Variants in SYNPO observed in about 807,000 individuals in gnomAD.
SYNPO encodes the protein synaptopodin.
A neutral mutation model predicts 49.5 loss-of-function variants in SYNPO; 19 were observed. That is an observed-to-expected ratio of 0.38 (90% confidence interval 0.27 to 0.56). The LOEUF (loss-of-function observed/expected upper bound fraction) is 0.56. Ranked by LOEUF, SYNPO falls within the 20% of genes least tolerant of loss-of-function variation. The pLI is 0.68. For synonymous variants in SYNPO, 536 were observed against 548.0 expected, an observed-to-expected ratio of 0.98 and a Z score of 0.31; for missense variants, 1,131 against 1,248.3, an observed-to-expected ratio of 0.91 and a Z score of 1.42.
intron 2 of SYNPO, among the ~76,000 whole-genome samples, chr5:150,625,567 C>A (rs970231519): frequency 6.6e-6 from 1 of 152,196 alleles, no homozygotes; most frequent in African/African-American, 2.4e-5. Flanking sequence ...CCTGCGCTGC[C>A]CGCCTCACAA....
the SYNPO span, among the ~76,000 whole-genome samples, chr5:150,595,080 C>T: frequency 6.6e-6 from 1 of 152,002 alleles, no homozygotes; most frequent in African/African-American, 2.4e-5. Flanking sequence ...ATTGGAAGAC[C>T]CCGTGCTGTT....
At chr5:150,598,963 C>T (rs1456535996), upstream of SYNPO, among the ~76,000 whole-genome samples, 7 of 152,102 alleles carry the variant, frequency 4.6e-5, no homozygotes, top group South Asian at 2.1e-4. Context: ...CTCATATGGC[C>T]GGGGGACCTG....
At chr5:150,608,992 T>G (rs1756769190) in intron 1 of SYNPO, among the ~76,000 whole-genome samples, 1 of 152,062 alleles carries the variant, frequency 6.6e-6, no homozygotes, top group African/African-American at 2.4e-5. Context: ...AGTCAGGAAA[T>G]GGGTATGATA....
intron 1 of SYNPO, among the ~76,000 whole-genome samples, chr5:150,609,907 G>A (rs1348665478): frequency 6.6e-6 from 1 of 152,124 alleles, no homozygotes; most frequent in African/African-American, 2.4e-5. Flanking sequence ...TTTCTGGTGT[G>A]GCCAAGGGAG....
chr5:150,620,693 T>A (rs963603676), intron 2 of SYNPO, among the ~76,000 whole-genome samples: 1 of 152,140 alleles, frequency 6.6e-6, no homozygotes, highest in African/African-American at 2.4e-5. Context: ...ACCAAGCCAG[T>A]TCATTTGATA....
intron 1 of SYNPO, among the ~76,000 whole-genome samples, chr5:150,603,003 T>A (rs920957467): frequency 6.8e-6 from 1 of 146,154 alleles, no homozygotes; most frequent in African/African-American, 2.6e-5. Flanking sequence ...TTAGGGTGTG[T>A]GTGTGTGTGT....
chr5:150,632,944 G>A (rs545728522), intron 2 of SYNPO, among the ~76,000 whole-genome samples: 2 of 152,262 alleles, frequency 1.3e-5, no homozygotes, highest in African/African-American at 4.8e-5. Context: ...CAATTTCCCA[G>A]GACCTAGAAA....
upstream of SYNPO, among the ~76,000 whole-genome samples, chr5:150,600,097 AACCTCAG>A (rs1231855573): frequency 1.3e-5 from 2 of 152,190 alleles, no homozygotes; most frequent in African/African-American, 2.4e-5. Context: ...ACTTTGGCCA[AACCTCAG>A]ACCTCTCTGG....
At chr5:150,609,175 A>T (rs1756774988) in intron 1 of SYNPO, among the ~76,000 whole-genome samples, 1 of 152,258 alleles carries the variant, frequency 6.6e-6, no homozygotes, top group Non-Finnish European at 1.5e-5. Context: ...AGAGCTGGGA[A>T]AGGGTGCATT....
At position 150,648,037 on chromosome 5, in the gene SYNPO, G is replaced by C; in HGVS notation, c.-239G>C. Reference sequence around the variant, plus strand: ...GCAGCCCAGCTGACCACCCCTCCCAGCTCCAATTCCCGTGGCGTCCAGCTC... The same window carrying C: ...GCAGCCCAGCTGACCACCCCTCCCACCTCCAATTCCCGTGGCGTCCAGCTC... On this transcript the variant is annotated 5_prime_UTR_variant, in exon 2 of 3. Transcript: ENST00000307662. This position sits in a 1 kb window ranked among gnomAD's most constrained non-coding sequence, Gnocchi z 5.0. 6.4e-7 allele frequency: 1 copy of C among 1,551,840 alleles called. No individual in the cohort carries two copies. Among genetic ancestry groups the C allele is most frequent in the Non-Finnish European group, 8.7e-7 (1 of 1,147,014 alleles).
chr5:150,608,325 G>A (rs1024837679), intron 1 of SYNPO: 2 of 152,188 alleles, frequency 1.3e-5, no homozygotes, highest in African/African-American at 4.8e-5. Context: ...GACTTTCTAG[G>A]AGAGGAAGAG....
chr5:150,588,184 G>T, the SYNPO span, among the ~76,000 whole-genome samples: 1 of 152,190 alleles, frequency 6.6e-6, no homozygotes, highest in African/African-American at 2.4e-5. Flanking sequence ...GGAGCTTCTG[G>T]GACCTCCCAT....
chr5:150,647,858 C>T (rs1487194738), intron 1 of SYNPO, 86 bp from the exon 2 acceptor site: 24 of 1,256,998 alleles, frequency 1.9e-5, no homozygotes, highest in East Asian at 5.1e-5. Flanking sequence ...AGGGCCGAGG[C>T]GACCATCTCT....
chr5:150,586,737 T>G, the SYNPO span, among the ~76,000 whole-genome samples: 1 of 152,252 alleles, frequency 6.6e-6, no homozygotes, highest in Non-Finnish European at 1.5e-5. Context: ...TTCACCAGAC[T>G]ATCCTCAGGC....
chr5:150,650,920 C>A, intron 2 of SYNPO: 6 of 1,254,144 alleles, frequency 4.8e-6, no homozygotes, highest in Non-Finnish European at 6.0e-6. Context: ...CTTTGCCTCG[C>A]CTCCGCCTGC....
chr5:150,607,995 C>T (rs1399143739), intron 1 of SYNPO, among the ~76,000 whole-genome samples: 1 of 152,236 alleles, frequency 6.6e-6, no homozygotes, highest in Non-Finnish European at 1.5e-5. Context: ...ATTTCAAGTG[C>T]TCAGTAGTGC....
rs758983841 is a variant in SYNPO, at chr5:150,650,137, C to A, written c.1862C>A (p.Pro621Gln). The A allele has an allele frequency of 6.2e-7, 1 of 1,613,816 alleles. No individual in the cohort carries two copies. Among genetic ancestry groups the A allele is most frequent in the Non-Finnish European group, 8.5e-7 (1 of 1,179,964 alleles). Residue 621 changes from proline to glutamine, a missense_variant, in exon 2 of 3, where the codon CCG (proline) becomes CAG (glutamine). Transcript: ENST00000307662. ...PALPRPSRSSPGLYTSPGQDS... is the reference protein window; with the variant it reads ...PALPRPSRSSQGLYTSPGQDS... ...CTGCCTCGGCCCTCGCGCTCCTCAC[C>A]GGGCCTCTACACCTCCCCCGGCCAG... is the stretch of plus-strand genomic sequence containing the variant.
upstream of SYNPO, among the ~76,000 whole-genome samples, chr5:150,598,508 G>A (rs1169500147): frequency 2.6e-5 from 4 of 152,222 alleles, no homozygotes; most frequent in Non-Finnish European, 4.4e-5. Flanking sequence ...TCAGGAATGC[G>A]TGTATGGTGC....
chr5:150,657,430 TCTCACACA>T lies in SYNPO; in HGVS notation c.*345_*352del, dbSNP rs1442937088. ...CACTCTCTCTTTCTCTCTCTCTCTC[TCTCACACA>T]CACACACACACACACACACACACAC... On this transcript the variant is annotated 3_prime_UTR_variant, in exon 3 of 3. Coordinates refer to ENST00000307662, the MANE Select transcript of SYNPO (RefSeq NM_007286.6). 4.9e-3 allele frequency: 776 copies of T among 157,300 alleles called. 7 individuals carry two copies. Among genetic ancestry groups the T allele is most frequent in the African/African-American group, 0.028 (664 of 23,574 alleles). The allele number at this position is 157,300 out of a possible 1,614,324, so 9.7% of individuals were successfully genotyped here. A position where few individuals can be genotyped will look rare whatever the true frequency, so the allele number is the denominator to read the frequency against.
Sources: allele counts gnomAD v4.1 joint callset (sites outside exome capture counted in the v4.1 genomes callset), GRCh38; gene constraint gnomAD v4.1.1; non-coding constraint Gnocchi (gnomAD v3.1); transcripts MANE v1.5; gene names NCBI Gene and HGNC (gene_info 2026-07-23, HGNC 2026-07-21).